The following RGS22 variants were observed in gnomAD, a reference collection of about 807,000 sequenced individuals.
RGS22 encodes the protein regulator of G protein signaling 22.
Under a neutral mutation model 172.9 loss-of-function variants are expected in RGS22, and 148 were observed. The ratio of observed to expected loss-of-function variants is 0.86; its 90% CI spans 0.75 to 0.98. RGS22 has a LOEUF of 0.98. Ranked by LOEUF, RGS22 falls within the 50% of genes least tolerant of loss-of-function variation. The pLI is 0.00. For synonymous variants in RGS22, 458 were observed against 480.2 expected (o/e 0.95, Z 0.60); for missense variants, 1,347 against 1,440.8 (o/e 0.93, Z 1.05).
At chr8:99,996,990 A>G (rs1814469343) in intron 19 of RGS22, among the ~76,000 whole-genome samples, 4 of 152,158 alleles carry the variant, frequency 2.6e-5, no homozygotes. Flanking sequence ...AACCTGTGCT[A>G]TTGACTCTAT....
At chr8:99,965,126 G>C (rs905711164) in intron 24 of RGS22, among the ~76,000 whole-genome samples, 4 of 152,132 alleles carry the variant, frequency 2.6e-5, no homozygotes, top group African/African-American at 9.7e-5. Flanking sequence ...TGTATCTCAA[G>C]AAGTTATTTT....
chr8:100,075,686 ATTTGT>A (rs1408155220), intron 4 of RGS22, among the ~76,000 whole-genome samples: 1 of 152,178 alleles, frequency 6.6e-6, no homozygotes, highest in Non-Finnish European at 1.5e-5. Context: ...TGCTATGAAC[ATTTGT>A]ATATAAGTTT....
chr8:99,995,178 G>C (rs1188446908), intron 20 of RGS22, among the ~76,000 whole-genome samples: 3 of 152,094 alleles, frequency 2.0e-5, no homozygotes, highest in African/African-American at 4.8e-5. Context: ...AGAAAACCTA[G>C]GCAATACCAT....
intron 14 of RGS22, chr8:100,023,875 C>T (rs1380467336): frequency 2.0e-5 from 3 of 152,364 alleles, no homozygotes. Flanking sequence ...CAAAAAGCAA[C>T]CATATTTTTA....
At chr8:99,995,888 T>G (rs2131297356) in intron 20 of RGS22, among the ~76,000 whole-genome samples, 1 of 152,186 alleles carries the variant, frequency 6.6e-6, no homozygotes, top group East Asian at 1.9e-4. Context: ...TAGACTGGAT[T>G]AAGAAAATGT....
chr8:100,009,141 G>A (rs1816074544), intron 14 of RGS22, among the ~76,000 whole-genome samples: 1 of 152,112 alleles, frequency 6.6e-6, no homozygotes. Context: ...ATGGAGGCCA[G>A]GTGCAGTGGC....
chr8:100,044,238 G>T (rs1027125195), intron 11 of RGS22, among the ~76,000 whole-genome samples: 1 of 151,964 alleles, frequency 6.6e-6, no homozygotes, highest in Admixed American at 6.6e-5. Flanking sequence ...GCTCATTCTG[G>T]TTTTTTTGTT....
At chr8:100,040,173 A>G in intron 12 of RGS22, 86 bp from the exon 13 acceptor site, 1 of 1,198,188 alleles carries the variant, frequency 8.3e-7, no homozygotes. Context: ...CATAAACTCT[A>G]CCATGCTGTC....
intron 19 of RGS22, among the ~76,000 whole-genome samples, chr8:99,998,527 T>C (rs1255794409): frequency 6.6e-6 from 1 of 152,160 alleles, no homozygotes; most frequent in East Asian, 1.9e-4. Context: ...ACTATGATTG[T>C]GCTTGTGAAT....
intron 17 of RGS22, 35 bp from the exon 18 acceptor site, chr8:100,002,399 A>G: frequency 6.4e-7 from 1 of 1,556,530 alleles, no homozygotes; most frequent in Non-Finnish European, 8.6e-7. Context: ...ATAGCTCTTC[A>G]TATTTCTTCC....
At chr8:100,060,887 T>G (rs1039440398) in intron 9 of RGS22, among the ~76,000 whole-genome samples, 2 of 152,160 alleles carry the variant, frequency 1.3e-5, no homozygotes, top group Middle Eastern at 3.2e-3. Flanking sequence ...AGAGTAAAGC[T>G]GGAGCCATCA....
chr8:99,970,411 GA>G, intron 23 of RGS22, among the ~76,000 whole-genome samples: 1 of 152,080 alleles, frequency 6.6e-6, no homozygotes, highest in East Asian at 1.9e-4. Flanking sequence ...ATACAGACAT[GA>G]AAAACCCTTC....
rs533534258 is a variant in RGS22 at position 100,103,936 on chromosome 8, T to G, written c.54+1438A>C. Among the ~76,000 whole-genome samples, 155 of 152,284 alleles carry G rather than the reference T, an allele frequency of 1.0e-3. 2 individuals are homozygous for G. The Middle Eastern group carries it at 0.01, about 10-fold the overall frequency. Reference sequence around the variant, plus strand: ...AGTCTTCAGCAGCATGGGAAAAGATTTGCTGGCTTCAGAAATGCTCACCTC... The same window carrying G: ...AGTCTTCAGCAGCATGGGAAAAGATGTGCTGGCTTCAGAAATGCTCACCTC... On this transcript the variant is annotated intron_variant, in intron 2 of 27. Transcript: ENST00000360863.
At chr8:100,029,804 A>C (rs1238869510) in intron 14 of RGS22, among the ~76,000 whole-genome samples, 1 of 152,050 alleles carries the variant, frequency 6.6e-6, no homozygotes, top group Non-Finnish European at 1.5e-5. Context: ...CTTAAAGTAA[A>C]ATAAAAATGT....
chr8:100,055,454 T>C lies in RGS22; in HGVS notation c.1515-2478A>G, dbSNP rs552321967. On this transcript the variant is annotated intron_variant, in intron 9 of 27. Transcript: ENST00000360863. ...ACCTTAGGGTGCCCCCTAAAGCAGA[T>C]ACAGCTTATATCACAATACCCAAGT... Among the ~76,000 whole-genome samples, 7 of 152,304 alleles carry C rather than the reference T, an allele frequency of 4.6e-5. No individual in the cohort carries two copies. The East Asian group carries it at 1.4e-3, about 29-fold the overall frequency.
rs1810978188 is a variant in RGS22 at position 100,071,510 on chromosome 8, T to C, written c.453A>G (p.Arg151=). The change falls in exon 6 of 28, where the codon AGA becomes AGG. Residue 151 remains arginine, a synonymous_variant. Transcript: ENST00000360863. Reference sequence around the variant, plus strand: ...TGAAATTCATGCCGGACTTGCTCCATCTTACTTGTGAGACCAATTTGGCTA... The same window carrying C: ...TGAAATTCATGCCGGACTTGCTCCACCTTACTTGTGAGACCAATTTGGCTA... ...YRLAKLVSQV[R]WSKSGMNFTV... is the part of the protein sequence containing the mutation. 2.5e-6 allele frequency: 4 copies of C among 1,610,240 alleles called. No individual in the cohort carries two copies. Among genetic ancestry groups the C allele is most frequent in the Non-Finnish European group, 1.7e-6 (2 of 1,178,524 alleles).
chr8:99,971,141 A>C (rs1439629397), intron 23 of RGS22, among the ~76,000 whole-genome samples: 3 of 152,228 alleles, frequency 2.0e-5, no homozygotes, highest in Non-Finnish European at 4.4e-5. Flanking sequence ...TGATTATCTC[A>C]ATAGATGCAG....
At chr8:100,012,576 A>T (rs1405969949) in intron 14 of RGS22, among the ~76,000 whole-genome samples, 1 of 152,018 alleles carries the variant, frequency 6.6e-6, no homozygotes, top group African/African-American at 2.4e-5. Context: ...GAGTGAGGAG[A>T]GAGACAAAGA....
intron 3 of RGS22, among the ~76,000 whole-genome samples, chr8:100,087,249 T>C (rs1373519660): frequency 1.3e-5 from 2 of 152,148 alleles, no homozygotes; most frequent in Non-Finnish European, 2.9e-5. Context: ...TTAAATCATA[T>C]AACAGGAAAA....
Sources: gnomAD v4.1 joint callset for allele counts (sites outside exome capture counted in the v4.1 genomes callset) on GRCh38, gnomAD v4.1.1 for gene constraint, MANE v1.5 for transcripts, NCBI Gene and HGNC (gene_info 2026-07-23, HGNC 2026-07-21) for gene names.